The following ARB2A variants were observed in gnomAD, a reference collection of about 807,000 sequenced individuals.
ARB2A encodes the protein ARB2 cotranscriptional regulator A.
the ARB2A span, among the ~76,000 whole-genome samples, chr5:93,876,525 AT>A: frequency 6.6e-6 from 1 of 152,078 alleles, no homozygotes; most frequent in Non-Finnish European, 1.5e-5. Flanking sequence ...AGTCATATCT[AT>A]TTATACTCAG....
chr5:93,937,115 C>T, the ARB2A span, among the ~76,000 whole-genome samples: 6 of 151,592 alleles, frequency 4.0e-5, no homozygotes, highest in East Asian at 9.7e-4. Context: ...CCTCATGATC[C>T]GCCCGCCCCT....
chr5:93,851,209 A>G, the ARB2A span, among the ~76,000 whole-genome samples: 8 of 152,220 alleles, frequency 5.3e-5, 1 homozygote, highest in African/African-American at 1.9e-4. Context: ...TTTTAAGAAT[A>G]GAAGAATGAA....
chr5:93,857,221 C>T, the ARB2A span, among the ~76,000 whole-genome samples: 1 of 152,104 alleles, frequency 6.6e-6, no homozygotes, highest in Admixed American at 6.5e-5. Context: ...TTAGGCTGCT[C>T]GGGGGTCAGG....
the ARB2A span, chr5:93,958,898 T>C: frequency 1.2e-6 from 2 of 1,608,182 alleles, no homozygotes; most frequent in East Asian, 4.5e-5. Context: ...AACCATCAGT[T>C]TCTGTGGATT....
the ARB2A span, among the ~76,000 whole-genome samples, chr5:94,100,579 C>A: frequency 6.6e-6 from 1 of 152,026 alleles, no homozygotes; most frequent in Non-Finnish European, 1.5e-5. Context: ...AGTACGAGTA[C>A]AAAAACCAGC....
chr5:94,010,153 C>G, the ARB2A span, among the ~76,000 whole-genome samples: 1 of 151,974 alleles, frequency 6.6e-6, no homozygotes, highest in Non-Finnish European at 1.5e-5. Flanking sequence ...CAATCTTAAA[C>G]CTTTCTACTT....
At chr5:94,036,434 A>G in the ARB2A span, among the ~76,000 whole-genome samples, 1 of 152,230 alleles carries the variant, frequency 6.6e-6, no homozygotes, top group Non-Finnish European at 1.5e-5. Context: ...AAATGGGAAA[A>G]TACAACTGTA....
the ARB2A span, among the ~76,000 whole-genome samples, chr5:94,032,841 T>C: frequency 2.0e-5 from 3 of 152,188 alleles, no homozygotes; most frequent in South Asian, 6.2e-4. Context: ...TTTCTGCACA[T>C]TCCTCCCTTT....
the ARB2A span, among the ~76,000 whole-genome samples, chr5:93,761,676 T>C: frequency 1.4e-4 from 21 of 152,316 alleles, no homozygotes; most frequent in African/African-American, 4.6e-4. Flanking sequence ...TGCAGACTTA[T>C]ATGTCCCTGT....
At chr5:94,085,030 A>G in the ARB2A span, among the ~76,000 whole-genome samples, 1 of 152,190 alleles carries the variant, frequency 6.6e-6, no homozygotes, top group Non-Finnish European at 1.5e-5. Flanking sequence ...CAAAAGTTAA[A>G]AAGAATGCAG....
chr5:94,068,388 G>A, the ARB2A span, among the ~76,000 whole-genome samples: 13 of 152,348 alleles, frequency 8.5e-5, no homozygotes, highest in East Asian at 2.1e-3. Flanking sequence ...GCAGGTCTGC[G>A]AAGGTGGCAA....
chr5:93,933,444 C>T, the ARB2A span, among the ~76,000 whole-genome samples: 3 of 152,162 alleles, frequency 2.0e-5, no homozygotes, highest in African/African-American at 7.2e-5. Flanking sequence ...AAATGTAGCA[C>T]ATATACACCA....
At chr5:93,642,597 C>T in the ARB2A span, among the ~76,000 whole-genome samples, 3 of 152,278 alleles carry the variant, frequency 2.0e-5, no homozygotes, top group East Asian at 5.8e-4. Context: ...TGATCTTGAA[C>T]TCCTGGCCTC....
the ARB2A span, among the ~76,000 whole-genome samples, chr5:94,089,594 T>TATACAC: frequency 1.1e-4 from 15 of 135,664 alleles, no homozygotes; most frequent in African/African-American, 4.2e-4. Flanking sequence ...AAACCGTTTA[T>TATACAC]ACACACACAC....
the ARB2A span, among the ~76,000 whole-genome samples, chr5:93,906,162 T>C: frequency 3.3e-5 from 5 of 151,564 alleles, no homozygotes; most frequent in African/African-American, 1.2e-4. Context: ...TATATGTTTG[T>C]CACTAAAATC....
the ARB2A span, among the ~76,000 whole-genome samples, chr5:94,011,211 T>C: frequency 1.5e-4 from 23 of 152,304 alleles, no homozygotes; most frequent in South Asian, 1.9e-3. Context: ...TTGGTCCCCA[T>C]TGCTGATTTC....
At chr5:93,925,199 C>T in the ARB2A span, among the ~76,000 whole-genome samples, 1 of 152,082 alleles carries the variant, frequency 6.6e-6, no homozygotes, top group Non-Finnish European at 1.5e-5. Context: ...CGAACAATTA[C>T]ATCAAAGAAA....
At chr5:93,899,055 G>A in the ARB2A span, among the ~76,000 whole-genome samples, 1 of 152,014 alleles carries the variant, frequency 6.6e-6, no homozygotes, top group Non-Finnish European at 1.5e-5. Context: ...TTTAGCTTAT[G>A]GTAAATAGTT....
the ARB2A span, among the ~76,000 whole-genome samples, chr5:93,624,667 T>C: frequency 6.6e-6 from 1 of 152,218 alleles, no homozygotes; most frequent in Non-Finnish European, 1.5e-5. Context: ...GGAGGCATTT[T>C]GGAAATTTGC....
Sources: gnomAD v4.1 joint callset for allele counts (sites outside exome capture counted in the v4.1 genomes callset) on GRCh38, gnomAD v4.1.1 for gene constraint, MANE v1.5 for transcripts, NCBI Gene and HGNC (gene_info 2026-07-23, HGNC 2026-07-21) for gene names.